The following RNF169 variants were observed in gnomAD, a reference collection of about 807,000 sequenced individuals.
The protein encoded by RNF169 is ring finger protein 169, also known as E3 ubiquitin-protein ligase RNF169.
Under a neutral mutation model 53.9 loss-of-function variants are expected in RNF169, and 24 were observed. The observed-to-expected ratio is 0.45, with a 90% CI of 0.32 to 0.63. RNF169 has a LOEUF of 0.63. Ranked by LOEUF, RNF169 falls within the 20% of genes least tolerant of loss-of-function variation. RNF169 has a pLI of 0.04. For synonymous variants in RNF169, 396 were observed against 363.5 expected (o/e 1.09, Z -1.02); for missense variants, 883 against 906.2 (o/e 0.97, Z 0.33).
At chr11:74,767,149 A>AT (rs897610160) in intron 1 of RNF169, among the ~76,000 whole-genome samples, 11 of 152,208 alleles carry the variant, frequency 7.2e-5, no homozygotes, top group African/African-American at 2.6e-4. Flanking sequence ...ATGAACACAG[A>AT]TTTTTAAAAT....
At chr11:74,768,434 C>T (rs983111608) in intron 1 of RNF169, among the ~76,000 whole-genome samples, 2 of 151,598 alleles carry the variant, frequency 1.3e-5, no homozygotes, top group Admixed American at 6.6e-5. Flanking sequence ...TGGGGAAACC[C>T]CGTCTCTACT....
Position 74,836,069 on chromosome 11 carries a change from T to G in RNF169, c.1466T>G (p.Val489Gly). The G allele has an allele frequency of 6.2e-7, 1 of 1,614,154 alleles. No homozygotes were observed. The highest frequency in any genetic ancestry group is 8.5e-7 in the Non-Finnish European group (1 of 1,180,034). Residue 489 changes from valine to glycine, a missense_variant, in exon 6 of 6, where the codon GTC becomes GGC. Around this residue, in one of 3 missense-constraint regions of RNF169, gnomAD observed 351 missense variants for 337.3 expected, o/e 1.04. Coordinates refer to ENST00000299563, the MANE Select transcript of RNF169 (RefSeq NM_001098638.2). ...AATACAAGATTATCTGGTGGGCAGG[T>G]CCTCTCTGAGTATACTGGACCCACC... ...AVNTRLSGGQ[V>G]LSEYTGPTSA...
chr11:74,768,536 A>AG (rs1591393109), intron 1 of RNF169, among the ~76,000 whole-genome samples: 2 of 152,052 alleles, frequency 1.3e-5, no homozygotes, highest in South Asian at 2.1e-4. Context: ...TAACCTGGGA[A>AG]GCGGTGGCTG....
Position 74,837,509 on chromosome 11 carries a change from T to C in RNF169, c.*779T>C, listed in dbSNP as rs1347170962. The C allele has an allele frequency of 1.3e-5, 2 of 152,206 alleles. No homozygotes were observed. Among genetic ancestry groups the C allele is most frequent in the Non-Finnish European group, 2.9e-5 (2 of 68,042 alleles). 9.4% of individuals were successfully genotyped at this position (152,206 alleles called of 1,614,324 possible). A position where few individuals can be genotyped will look rare whatever the true frequency, so the allele number is the denominator to read the frequency against. ...TGTGCCAGGGGAGCCTAGGGGAAGCTAGGCTGGGCATTGAACACTGATAGT... is the reference window on the plus strand; with the variant it reads ...TGTGCCAGGGGAGCCTAGGGGAAGCCAGGCTGGGCATTGAACACTGATAGT... On this transcript the variant is annotated 3_prime_UTR_variant, in exon 6 of 6. Coordinates refer to ENST00000299563, the MANE Select transcript of RNF169 (RefSeq NM_001098638.2).
intron 1 of RNF169, among the ~76,000 whole-genome samples, chr11:74,767,213 A>G (rs1236320847): frequency 1.3e-5 from 2 of 152,142 alleles, no homozygotes; most frequent in South Asian, 2.1e-4. Flanking sequence ...AATCACAACC[A>G]AGTAGCAGTT....
chr11:74,822,994 C>T (rs889177927), intron 4 of RNF169, among the ~76,000 whole-genome samples: 1 of 152,072 alleles, frequency 6.6e-6, no homozygotes, highest in African/African-American at 2.4e-5. Context: ...ATTGTTTGGG[C>T]ACTTTAAATC....
rs2036471714 is a variant in RNF169 at position 74,841,101 on chromosome 11, T to C, written c.*4371T>C. The C allele has an allele frequency of 6.6e-6, 1 of 152,218 alleles. No individual in the cohort carries two copies. Among genetic ancestry groups the C allele is most frequent in the African/African-American group, 2.4e-5 (1 of 41,454 alleles). The allele number at this position is 152,218 out of a possible 1,614,324, so 9.4% of individuals were successfully genotyped here. On this transcript the variant is annotated 3_prime_UTR_variant, in exon 6 of 6. Coordinates refer to ENST00000299563, the MANE Select transcript of RNF169 (RefSeq NM_001098638.2). ...GGAAAGTGATATATTTTGATTGGAA[T>C]AATTTTAATTAAATTTAATGATTTT...
At chr11:74,754,806 C>T (rs533758457) in intron 1 of RNF169, among the ~76,000 whole-genome samples, 7 of 152,130 alleles carry the variant, frequency 4.6e-5, no homozygotes, top group Non-Finnish European at 8.8e-5. Context: ...GGCGACAGAG[C>T]GAGACTCTCT....
In RNF169 at chr11:74,837,716, C is replaced by T. The variant is rs1387693720; in HGVS notation, c.*986C>T. On this transcript the variant is annotated 3_prime_UTR_variant, in exon 6 of 6. Coordinates refer to ENST00000299563, the MANE Select transcript of RNF169 (RefSeq NM_001098638.2). ...GTTATCTGCAATGTTGATCTAAAATCCTAAAAAATCACCCTGAAGTCAGGC... is the reference window on the plus strand; with the variant it reads ...GTTATCTGCAATGTTGATCTAAAATTCTAAAAAATCACCCTGAAGTCAGGC... 6.6e-6 allele frequency: 1 copy of T among 152,192 alleles called. No homozygotes were observed. Among genetic ancestry groups the T allele is most frequent in the Non-Finnish European group, 1.5e-5 (1 of 68,038 alleles). 9.4% of individuals were successfully genotyped at this position (152,192 alleles called of 1,614,324 possible).
chr11:74,806,473 C>T (rs570682466), intron 2 of RNF169, among the ~76,000 whole-genome samples: 2 of 152,260 alleles, frequency 1.3e-5, no homozygotes, highest in African/African-American at 4.8e-5. Context: ...CTCCAGAGAA[C>T]AGTGTGTATA....
At chr11:74,799,437 A>G (rs191923393) in intron 2 of RNF169, among the ~76,000 whole-genome samples, 2 of 152,330 alleles carry the variant, frequency 1.3e-5, no homozygotes, top group East Asian at 3.9e-4. Context: ...TTTTCAAAGA[A>G]AAGAACACAC....
At chr11:74,749,431 C>CCCCGG in intron 1 of RNF169, 49 bp downstream of exon 1, 1 of 1,218,852 alleles carries the variant, frequency 8.2e-7, no homozygotes, top group Non-Finnish European at 1.0e-6. Context: ...GCCGAGCGCG[C>CCCCGG]CCCGGCCCGG....
At position 74,836,074 on chromosome 11, in the gene RNF169, T is replaced by C. The variant is rs749587031; in HGVS notation, c.1471T>C (p.Ser491Pro). ...AAGATTATCTGGTGGGCAGGTCCTCTCTGAGTATACTGGACCCACCTCTGC... is the reference window on the plus strand; with the variant it reads ...AAGATTATCTGGTGGGCAGGTCCTCCCTGAGTATACTGGACCCACCTCTGC... Reference protein sequence around the residue: ...NTRLSGGQVLSEYTGPTSADL... With the variant: ...NTRLSGGQVLPEYTGPTSADL... The change falls in exon 6 of 6, where the codon TCT becomes CCT. Residue 491 changes from serine (S) to proline (P), a missense_variant. Around this residue, in one of 3 missense-constraint regions of RNF169, gnomAD observed 351 missense variants for 337.3 expected, o/e 1.04. Transcript: ENST00000299563. The C allele has an allele frequency of 6.2e-7, 1 of 1,614,188 alleles. No homozygotes were observed. The highest frequency in any genetic ancestry group is 8.5e-7 in the Non-Finnish European group (1 of 1,180,042).
chr11:74,841,599 G>A lies in RNF169; in HGVS notation c.*4869G>A, dbSNP rs2036558376. ...CTCCTTAATGCCTTTTAAGTAAGGT[G>A]GCAACTTTTAACTGTCATCTTGTGA... is the stretch of plus-strand genomic sequence containing the variant. On this transcript the variant is annotated 3_prime_UTR_variant, in exon 6 of 6. Transcript: ENST00000299563. 6.6e-6 allele frequency: 1 copy of A among 152,090 alleles called. No individual in the cohort carries two copies. Among genetic ancestry groups the A allele is most frequent in the South Asian group, 2.1e-4 (1 of 4,828 alleles). The allele number at this position is 152,090 out of a possible 1,614,324, so 9.4% of individuals were successfully genotyped here.
Position 74,755,209 on chromosome 11 carries a change from G to A in RNF169, c.502+5827G>A, listed in dbSNP as rs1236447923. On this transcript the variant is annotated intron_variant, in intron 1 of 5. Transcript: ENST00000299563. ...CCAATACAGGAAACATTTGCCTTGT[G>A]CTAAGATGTTTTTTAAAGCTCTTGA... Among the ~76,000 whole-genome samples the A allele has an allele frequency of 2.0e-5, 3 of 152,166 alleles. No individual in the cohort carries two copies. The East Asian group carries it at 5.8e-4, about 29-fold the overall frequency.
At chr11:74,805,571 A>G (rs1036010072) in intron 2 of RNF169, among the ~76,000 whole-genome samples, 3 of 152,208 alleles carry the variant, frequency 2.0e-5, no homozygotes, top group African/African-American at 7.2e-5. Context: ...GTAGACTGAA[A>G]GGTCAAATAA....
intron 1 of RNF169, 23 bp downstream of exon 1, chr11:74,749,405 T>C: frequency 8.3e-7 from 1 of 1,200,922 alleles, no homozygotes; most frequent in Non-Finnish European, 1.0e-6. Flanking sequence ...CACTTCCCCT[T>C]AGGGTCTGGA....
At chr11:74,827,209 C>T (rs2036111796) in intron 4 of RNF169, among the ~76,000 whole-genome samples, 1 of 152,228 alleles carries the variant, frequency 6.6e-6, no homozygotes, top group Non-Finnish European at 1.5e-5. Context: ...CCCAATACCA[C>T]ATGTAAGCCA....
In RNF169 at chr11:74,748,960, G is replaced by T. The variant is rs918838694; in HGVS notation, c.80G>T (p.Arg27Leu). The T allele has an allele frequency of 1.4e-6, 2 of 1,476,870 alleles. No homozygotes were observed. The highest frequency in any genetic ancestry group is 1.8e-6 in the Non-Finnish European group (2 of 1,103,978). The allele number at this position is 1,476,870 out of a possible 1,614,324, so 91.5% of individuals were successfully genotyped here. Residue 27 changes from arginine to leucine, a missense_variant, in exon 1 of 6, where the codon CGC (arginine) becomes CTC (leucine). By Grantham distance (102) the Arg-to-Leu change is moderately radical. Around this residue, in one of 3 missense-constraint regions of RNF169, gnomAD observed 313 missense variants for 279.9 expected, o/e 1.12. Coordinates refer to ENST00000299563, the MANE Select transcript of RNF169 (RefSeq NM_001098638.2). ...CTGAGTCGGCGGGGCCGGCGGGGCC[G>T]CTGTGACGAGACGGCGGCAGCTAAG... ...AALSRRGRRGRCDETAAAKTG... is the reference protein window; with the variant it reads ...AALSRRGRRGLCDETAAAKTG...
Sources: allele counts gnomAD v4.1 joint callset (sites outside exome capture counted in the v4.1 genomes callset), GRCh38; gene constraint gnomAD v4.1.1; regional missense constraint gnomAD v4.1.1; transcripts MANE v1.5; gene names NCBI Gene and HGNC (gene_info 2026-07-23, HGNC 2026-07-21).